TBC1D30: variants seen among roughly 807,000 people sequenced by gnomAD.
TBC1D30 encodes the protein TBC1 domain family, member 30.
A neutral mutation model predicts 63.2 loss-of-function variants in TBC1D30; 31 were observed. The ratio of observed to expected loss-of-function variants is 0.49; its 90% CI spans 0.37 to 0.66. The LOEUF (loss-of-function observed/expected upper bound fraction) is 0.66. Ranked by LOEUF, TBC1D30 falls within the 30% of genes least tolerant of loss-of-function variation. The probability of loss-of-function intolerance (pLI) is 0.00; values close to 1 mark genes in which losing one functional copy is unlikely to be tolerated. For synonymous variants in TBC1D30, 307 were observed against 361.5 expected (o/e 0.85, Z 1.71); for missense variants, 810 against 953.6 (o/e 0.85, Z 1.98).
At chr12:64,873,548 GAC>G (rs1878818367) in intron 11 of TBC1D30, among the ~76,000 whole-genome samples, 1 of 152,142 alleles carries the variant, frequency 6.6e-6, no homozygotes, top group African/African-American at 2.4e-5. Flanking sequence ...GTGAGCCGAA[GAC>G]ACATGAGGGG....
intron 6 of TBC1D30, among the ~76,000 whole-genome samples, 153 bp from the exon 7 acceptor site, chr12:64,838,530 G>A (rs1221733263): frequency 1.3e-5 from 2 of 152,092 alleles, no homozygotes; most frequent in Non-Finnish European, 2.9e-5. Flanking sequence ...CAGAAACATG[G>A]CAGAAAAAAG....
At chr12:64,855,133 C>T (rs1877192197) in intron 8 of TBC1D30, among the ~76,000 whole-genome samples, 2 of 152,006 alleles carry the variant, frequency 1.3e-5, no homozygotes, top group Admixed American at 6.5e-5. Flanking sequence ...TCATGCCACT[C>T]TCTCCTGGTT....
In TBC1D30 at chr12:64,833,529, C is replaced by T. The variant is rs184296520; in HGVS notation, c.594+1225C>T. Among the ~76,000 whole-genome samples, 174 of 152,264 alleles carry T rather than the reference C, an allele frequency of 1.1e-3. 1 individual carries two copies. Among genetic ancestry groups the T allele is most frequent in the African/African-American group, 3.9e-3 (162 of 41,544 alleles). On this transcript the variant is annotated intron_variant, in intron 5 of 11. Coordinates refer to ENST00000539867, the MANE Select transcript of TBC1D30 (RefSeq NM_015279.2). ...GTCTTCGTGTTCAAGAACCGCCCCCCGACACAACCCCACTCCCAACAACTT... is the reference window on the plus strand; with the variant it reads ...GTCTTCGTGTTCAAGAACCGCCCCCTGACACAACCCCACTCCCAACAACTT...
In TBC1D30 at chr12:64,878,254, G is replaced by A; in HGVS notation, c.*2466G>A. ...TCACAATGTGAATTGGTCAATTTAT[G>A]AGCCTTGCCTACTTTAGAAAATAAA... On this transcript the variant is annotated 3_prime_UTR_variant, in exon 12 of 12. Transcript: ENST00000539867. 1 of 326,412 alleles carries A rather than the reference G, an allele frequency of 3.1e-6. No homozygotes were observed. Among genetic ancestry groups the A allele is most frequent in the Non-Finnish European group, 6.1e-6 (1 of 163,626 alleles). The allele number at this position is 326,412 out of a possible 1,614,324, so 20.2% of individuals were successfully genotyped here.
At chr12:64,868,737 A>ATG in intron 10 of TBC1D30, 1 of 197,736 alleles carries the variant, frequency 5.1e-6, no homozygotes, top group Non-Finnish European at 1.0e-5. Context: ...CCTTTGGAAA[A>ATG]AACCAGAACA....
Position 64,876,636 on chromosome 12 carries a change from C to T in TBC1D30, c.*848C>T, listed in dbSNP as rs925161063. ...GGCCTGCATCCCCCACCACACAGCTCACTCACCCACCAGCTCTAGACTGCA... is the reference window on the plus strand; with the variant it reads ...GGCCTGCATCCCCCACCACACAGCTTACTCACCCACCAGCTCTAGACTGCA... On this transcript the variant is annotated 3_prime_UTR_variant, in exon 12 of 12. Coordinates refer to ENST00000539867, the MANE Select transcript of TBC1D30 (RefSeq NM_015279.2). 1.9e-5 allele frequency: 7 copies of T among 376,740 alleles called. No individual in the cohort carries two copies. Among genetic ancestry groups the T allele is most frequent in the Middle Eastern group, 4.3e-4 (1 of 2,300 alleles). The allele number at this position is 376,740 out of a possible 1,614,324, so 23.3% of individuals were successfully genotyped here.
intron 5 of TBC1D30, among the ~76,000 whole-genome samples, chr12:64,832,904 G>A (rs1874997047): frequency 6.6e-6 from 1 of 152,192 alleles, no homozygotes; most frequent in Non-Finnish European, 1.5e-5. Flanking sequence ...AAGTGAACAT[G>A]AGAGTAAAAG....
At chr12:64,801,000 T>A (rs1336450173) in intron 2 of TBC1D30, among the ~76,000 whole-genome samples, 1 of 152,202 alleles carries the variant, frequency 6.6e-6, no homozygotes, top group Non-Finnish European at 1.5e-5. Flanking sequence ...ACTAGGCTTG[T>A]TCTGTGCTCC....
chr12:64,840,027 A>AAAAAAAAAAAGAAAAAAAAAAAAAAAAC, intron 7 of TBC1D30, among the ~76,000 whole-genome samples: 1 of 145,814 alleles, frequency 6.9e-6, no homozygotes, highest in African/African-American at 2.6e-5. Flanking sequence ...AAAAAAAAAA[A>AAAAAAAAAAAGAAAAAAAAAAAAAAAAC]ATCCACCAAC....
chr12:64,784,823 A>G (rs752260701), intron 1 of TBC1D30, among the ~76,000 whole-genome samples: 6 of 152,020 alleles, frequency 3.9e-5, no homozygotes, highest in Non-Finnish European at 7.4e-5. Context: ...CCTGTAACAA[A>G]CCTGCATACT....
rs1389164648 is a variant in TBC1D30, at chr12:64,866,968, T to C, written c.1291+65T>C. 5 of 1,507,964 alleles carry C rather than the reference T, an allele frequency of 3.3e-6. No homozygotes were observed. The African/African-American group carries it at 5.5e-5, about 17-fold the overall frequency. The allele number at this position is 1,507,964 out of a possible 1,614,324, so 93.4% of individuals were successfully genotyped here. ...TGGTTTACTACAATAAGAGTGATATTGTGTCCTATAGATGCCCCAGTAACT... is the reference window on the plus strand; with the variant it reads ...TGGTTTACTACAATAAGAGTGATATCGTGTCCTATAGATGCCCCAGTAACT... On this transcript the variant is annotated intron_variant, in intron 10 of 11. Transcript: ENST00000539867.
intron 1 of TBC1D30, among the ~76,000 whole-genome samples, chr12:64,770,453 A>T (rs1870863039): frequency 6.6e-6 from 1 of 152,194 alleles, no homozygotes; most frequent in African/African-American, 2.4e-5. Flanking sequence ...CTTTATGCAG[A>T]ATCCCTTTAC....
chr12:64,872,665 G>A (rs949216617), intron 11 of TBC1D30, among the ~76,000 whole-genome samples: 2 of 152,138 alleles, frequency 1.3e-5, no homozygotes, highest in African/African-American at 4.8e-5. Context: ...GCTGCATGGG[G>A]ACTGTATTAG....
At chr12:64,799,562 G>A (rs908352889) in intron 2 of TBC1D30, among the ~76,000 whole-genome samples, 1 of 152,208 alleles carries the variant, frequency 6.6e-6, no homozygotes, top group African/African-American at 2.4e-5. Flanking sequence ...AGCAGGTGTT[G>A]AATAATCACT....
intron 8 of TBC1D30, among the ~76,000 whole-genome samples, chr12:64,848,997 G>A (rs1413592881): frequency 6.6e-6 from 1 of 152,162 alleles, no homozygotes; most frequent in African/African-American, 2.4e-5. Context: ...TCTCATTGTG[G>A]TTTTGATTTG....
At chr12:64,851,035 T>C (rs2136424861) in intron 8 of TBC1D30, among the ~76,000 whole-genome samples, 1 of 152,348 alleles carries the variant, frequency 6.6e-6, no homozygotes, top group South Asian at 2.1e-4. Flanking sequence ...TCATTTCTTC[T>C]AGATTTTCTA....
intron 1 of TBC1D30, chr12:64,759,728 A>C: frequency 5.8e-6 from 1 of 171,482 alleles, no homozygotes; most frequent in Non-Finnish European, 1.2e-5. Flanking sequence ...AAAGATTTAA[A>C]TGGGGGGAAG....
intron 8 of TBC1D30, among the ~76,000 whole-genome samples, chr12:64,854,990 T>C (rs1218702351): frequency 6.6e-6 from 1 of 152,244 alleles, no homozygotes; most frequent in African/African-American, 2.4e-5. Context: ...ACAGGTCTAG[T>C]GTTGATGAAA....
rs1214159868 is a variant in TBC1D30, at chr12:64,835,800, A to G, written c.595-690A>G. Among the ~76,000 whole-genome samples the G allele has an allele frequency of 3.9e-5, 6 of 152,204 alleles. No homozygotes were observed. The South Asian group carries it at 6.2e-4, about 16-fold the overall frequency. On this transcript the variant is annotated intron_variant, in intron 5 of 11. Coordinates refer to ENST00000539867, the MANE Select transcript of TBC1D30 (RefSeq NM_015279.2). Reference sequence around the variant, plus strand: ...GTGGGAAAGAACCAGGGATTGACATACAGAGCTCGTATGTGTTTGGCTGGG... The same window carrying G: ...GTGGGAAAGAACCAGGGATTGACATGCAGAGCTCGTATGTGTTTGGCTGGG...
Sources: allele counts gnomAD v4.1 joint callset (sites outside exome capture counted in the v4.1 genomes callset), GRCh38; gene constraint gnomAD v4.1.1; transcripts MANE v1.5; gene names NCBI Gene and HGNC (gene_info 2026-07-23, HGNC 2026-07-21).